Variants in NCOR2 observed in about 807,000 individuals in gnomAD.
NCOR2 encodes nuclear receptor corepressor 2.
In NCOR2, 81 loss-of-function variants were observed where a neutral mutation model predicts 262.9. The ratio of observed to expected loss-of-function variants is 0.31; its 90% confidence interval spans 0.26 to 0.37. The LOEUF (loss-of-function observed/expected upper bound fraction) is 0.37, where lower values mean the gene tolerates loss of function less well. Ranked by LOEUF, NCOR2 falls within the 10% of genes least tolerant of loss-of-function variation. The probability of loss-of-function intolerance (pLI) is 1.00; values close to 1 mark genes in which losing one functional copy is unlikely to be tolerated. For synonymous variants in NCOR2, 1,659 were observed against 1,559.3 expected, an observed-to-expected ratio of 1.06 and a Z score of -1.51; for missense variants, 3,385 against 3,621.4, an observed-to-expected ratio of 0.93 and a Z score of 1.68.
intron 6 of NCOR2, among the ~76,000 whole-genome samples, chr12:124,451,723 G>A (rs897393821): frequency 1.1e-4 from 17 of 152,188 alleles, no homozygotes; most frequent in African/African-American, 4.1e-4. Flanking sequence ...GGATGGAGAC[G>A]TGGAGTCCTG....
intron 13 of NCOR2, among the ~76,000 whole-genome samples, chr12:124,402,920 TATTC>T (rs1183321790): frequency 6.6e-6 from 1 of 151,960 alleles, no homozygotes; most frequent in Non-Finnish European, 1.5e-5. Context: ...ACAATGGGGG[TATTC>T]AGCATGCCTG....
intron 13 of NCOR2, among the ~76,000 whole-genome samples, chr12:124,409,226 C>T (rs993620954): frequency 7.9e-5 from 12 of 152,264 alleles, no homozygotes; most frequent in African/African-American, 2.9e-4. Flanking sequence ...ATCAAATCCA[C>T]AGTCCCTGCT....
At chr12:124,355,671 AG>A (rs1283788823) in intron 23 of NCOR2, 100 bp from the exon 26 acceptor site, 6 of 1,430,270 alleles carry the variant, frequency 4.2e-6, no homozygotes, top group African/African-American at 2.9e-5. Context: ...TGTCCTGGCC[AG>A]GAAGTGCCCA....
chr12:124,402,289 G>T (rs1008401973), intron 14 of NCOR2, 115 bp downstream of exon 16: 3 of 1,543,744 alleles, frequency 1.9e-6, no homozygotes, highest in South Asian at 1.2e-5. Flanking sequence ...CCTCCCCCCT[G>T]CTCACAGGCA....
At chr12:124,545,762 G>C (rs920537598) in intron 1 of NCOR2, among the ~76,000 whole-genome samples, 2 of 151,956 alleles carry the variant, frequency 1.3e-5, no homozygotes, top group Non-Finnish European at 2.9e-5. Context: ...GCGCCGCCCC[G>C]TGCTGGGAAG....
At chr12:124,535,894 C>CCA (rs34572029), upstream of NCOR2, among the ~76,000 whole-genome samples, 62,241 of 151,254 alleles carry the variant, frequency 0.41, 12,896 homozygotes, top group African/African-American at 0.44. Flanking sequence ...TAAAGGCATC[C>CCA]CACACCCTGG....
At chr12:124,335,137 T>A in exon 40 of NCOR2, 1 of 1,612,292 alleles carries the variant, frequency 6.2e-7, no homozygotes, top group East Asian at 2.2e-5. Flanking sequence ...GTAGTTACAC[T>A]GATGTGCTGG....
chr12:124,468,276 A>C (rs2046607939), intron 4 of NCOR2, among the ~76,000 whole-genome samples: 1 of 61,312 alleles, frequency 1.6e-5, no homozygotes, highest in Non-Finnish European at 3.2e-5. Context: ...CATCATCCTC[A>C]TCACCCTCAT....
intron 20 of NCOR2, among the ~76,000 whole-genome samples, chr12:124,370,274 T>C (rs979112492): frequency 2.0e-5 from 3 of 152,212 alleles, no homozygotes; most frequent in Non-Finnish European, 4.4e-5. Flanking sequence ...GGTCAGGCCG[T>C]CCACTTCTCA....
At chr12:124,338,561 AC>A (rs1463432535) in intron 37 of NCOR2, among the ~76,000 whole-genome samples, 3 of 146,042 alleles carry the variant, frequency 2.1e-5, no homozygotes, top group East Asian at 4.0e-4. Context: ...GTGTGACCCC[AC>A]CCCCCTGGTG....
chr12:124,337,046 C>CG lies in NCOR2; in HGVS notation c.5821dup (p.Arg1941ProfsTer86). On this transcript the variant is annotated frameshift_variant, in exon 38 of 47. Coordinates refer to ENST00000405201, the Ensembl canonical transcript of NCOR2. LOFTEE classifies it high-confidence loss of function. Reference sequence around the variant, plus strand: ...TCGGGGCCGCTCTGGCCGGGCGACCCGGGGGGCCTCCTTGGGCAGCAAGAC... The same window carrying CG: ...TCGGGGCCGCTCTGGCCGGGCGACCCGGGGGGGCCTCCTTGGGCAGCAAGAC... 5 of 1,495,192 alleles carry CG rather than the reference C, an allele frequency of 3.3e-6. No homozygotes were observed. Among genetic ancestry groups the CG allele is most frequent in the Admixed American group, 2.4e-5 (1 of 41,926 alleles). The allele number at this position is 1,495,192 out of a possible 1,614,324, so 92.6% of individuals were successfully genotyped here.
intron 1 of NCOR2, among the ~76,000 whole-genome samples, chr12:124,501,076 A>G (rs375542139): frequency 0.5 from 70,838 of 142,840 alleles, 17,475 homozygotes; most frequent in South Asian, 0.64. Context: ...ACACACACAC[A>G]CACACACACA....
chr12:124,426,769 A>G, exon 11 of NCOR2: 1 of 1,589,170 alleles, frequency 6.3e-7, no homozygotes. Flanking sequence ...GGGCGGGATC[A>G]CGGCCAGCTG....
Position 124,375,850 on chromosome 12 carries a change from C to T in NCOR2, c.2168-1387G>A, listed in dbSNP as rs115103383. ...GCCCCGCGCTGGTGTATTTCCAGCC[C>T]AGATGCAACAAGACGCTTTCCACTG... On this transcript the variant is annotated intron_variant, in intron 18 of 46. Coordinates refer to ENST00000405201, the Ensembl canonical transcript of NCOR2. Among the ~76,000 whole-genome samples, 805 of 152,340 alleles carry T rather than the reference C, an allele frequency of 5.3e-3. 10 individuals carry two copies. Among genetic ancestry groups the T allele is most frequent in the African/African-American group, 0.018 (761 of 41,566 alleles).
intron 25 of NCOR2, 92 bp downstream of exon 27, chr12:124,354,745 G>T: frequency 7.3e-7 from 1 of 1,366,674 alleles, no homozygotes. Context: ...CTGGAGTACC[G>T]TGGGCCAAGA....
At position 124,532,988 on chromosome 12, in the gene NCOR2, T is replaced by C. The variant is rs12825473; in HGVS notation, c.-118+2577A>G. Among the ~76,000 whole-genome samples the C allele has an allele frequency of 1.2e-3, 27 of 22,238 alleles. 1 individual carries two copies. The highest frequency in any genetic ancestry group is 2.9e-3 in the Admixed American group (6 of 2,038). The allele number at this position is 22,238 out of a possible 152,430, so 14.6% of individuals were successfully genotyped here. On this transcript the variant is annotated intron_variant, in intron 1 of 46. Coordinates refer to the NCOR2 transcript ENST00000404621. Reference sequence around the variant, plus strand: ...CCCCTCCCTCCAAATCCCACTCCTCTTTCCCCCACCTCCAAATCGCACTTC... The same window carrying C: ...CCCCTCCCTCCAAATCCCACTCCTCCTTCCCCCACCTCCAAATCGCACTTC...
At chr12:124,499,440 TCTGCCCAGCC>T (rs1449389636), upstream of NCOR2, among the ~76,000 whole-genome samples, 31 of 152,220 alleles carry the variant, frequency 2.0e-4, 1 homozygote. Context: ...GGCCAGGGGC[TCTGCCCAGCC>T]CTGGGGAGAG....
At chr12:124,550,438 G>C (rs1322820005) in intron 1 of NCOR2, among the ~76,000 whole-genome samples, 2 of 152,184 alleles carry the variant, frequency 1.3e-5, no homozygotes, top group Non-Finnish European at 2.9e-5. Context: ...ACTGGGTCTA[G>C]AGTGGGGGCT....
chr12:124,506,806 C>T (rs944487056), intron 1 of NCOR2, among the ~76,000 whole-genome samples: 1 of 152,178 alleles, frequency 6.6e-6, no homozygotes, highest in African/African-American at 2.4e-5. Flanking sequence ...GAGACGCTGG[C>T]ACCAGCTGTG....
Sources: gnomAD v4.1 joint callset for allele counts (sites outside exome capture counted in the v4.1 genomes callset) on GRCh38, gnomAD v4.1.1 for gene constraint, MANE v1.5 for transcripts, NCBI Gene and HGNC (gene_info 2026-07-23, HGNC 2026-07-21) for gene names.